RAB6A: variants seen among roughly 807,000 people sequenced by gnomAD.
RAB6A encodes RAB6A, member RAS oncogene family, also known as ras-related protein Rab-6A.
RAB6A carries 8 observed loss-of-function variants against 32.3 expected under a neutral mutation model. The observed-to-expected ratio is 0.25, with a 90% CI of 0.15 to 0.45. The LOEUF is 0.45. Ranked by LOEUF, RAB6A falls within the 20% of genes least tolerant of loss-of-function variation. RAB6A has a pLI of 1.00. For synonymous variants in RAB6A, 73 were observed against 82.1 expected (o/e 0.89, Z 0.60); for missense variants, 104 against 249.4 (o/e 0.42, Z 3.93).
chr11:73,728,606 G>A (rs1290412961), intron 2 of RAB6A, among the ~76,000 whole-genome samples: 1 of 20,716 alleles, frequency 4.8e-5, no homozygotes, highest in Non-Finnish European at 1.2e-4. Flanking sequence ...ATCTGTCTTT[G>A]TTTAAATAAT....
chr11:73,702,645 C>T (rs1945764548), intron 6 of RAB6A, among the ~76,000 whole-genome samples: 1 of 152,142 alleles, frequency 6.6e-6, no homozygotes, highest in Non-Finnish European at 1.5e-5. Context: ...AGAGTGTATT[C>T]TCTGACTATA....
chr11:73,700,610 G>GGGT, intron 6 of RAB6A, among the ~76,000 whole-genome samples: 1 of 12,688 alleles, frequency 7.9e-5, no homozygotes, highest in Non-Finnish European at 2.2e-4. Flanking sequence ...GTGTGTGTGT[G>GGGT]GGGGGGGGGG....
intron 4 of RAB6A, among the ~76,000 whole-genome samples, chr11:73,716,701 A>C (rs1946059581): frequency 6.6e-6 from 1 of 152,174 alleles, no homozygotes; most frequent in South Asian, 2.1e-4. Flanking sequence ...CATTGCCACA[A>C]TGCTTTTTTG....
intron 1 of RAB6A, among the ~76,000 whole-genome samples, 172 bp from the exon 2 acceptor site, chr11:73,730,995 CACAG>C (rs1232340647): frequency 4.6e-5 from 7 of 152,294 alleles, no homozygotes; most frequent in South Asian, 2.1e-4. Context: ...TTTCTCCAAA[CACAG>C]ACAACCATCT....
intron 6 of RAB6A, among the ~76,000 whole-genome samples, chr11:73,682,517 G>A (rs1170466989): frequency 1.3e-5 from 2 of 152,092 alleles, no homozygotes; most frequent in Non-Finnish European, 2.9e-5. Flanking sequence ...CACAAAATTA[G>A]CTGGGCATGA....
At chr11:73,689,327 A>G (rs1303540446) in intron 6 of RAB6A, among the ~76,000 whole-genome samples, 1 of 152,168 alleles carries the variant, frequency 6.6e-6, no homozygotes, top group African/African-American at 2.4e-5. Context: ...TGCAACCTAG[A>G]TCCCTCCAAT....
chr11:73,717,221 C>T (rs1258042825), intron 4 of RAB6A, among the ~76,000 whole-genome samples: 2 of 152,112 alleles, frequency 1.3e-5, no homozygotes, highest in Non-Finnish European at 2.9e-5. Flanking sequence ...CACAATTATT[C>T]GTTATTAGAT....
At chr11:73,739,263 TAAAAAAAAA>T (rs58629008) in intron 1 of RAB6A, among the ~76,000 whole-genome samples, 4 of 9,382 alleles carry the variant, frequency 4.3e-4, no homozygotes, top group African/African-American at 1.4e-3. Flanking sequence ...TAATAATAAT[TAAAAAAAAA>T]AAAAAAAAAA....
chr11:73,708,703 T>A (rs1397542855), intron 5 of RAB6A, among the ~76,000 whole-genome samples: 1 of 152,190 alleles, frequency 6.6e-6, no homozygotes, highest in East Asian at 1.9e-4. Context: ...AATGTTCTAA[T>A]TAGCTAGATT....
chr11:73,711,698 ACT>A (rs565113457), intron 5 of RAB6A, among the ~76,000 whole-genome samples: 1 of 152,048 alleles, frequency 6.6e-6, no homozygotes. Context: ...CCAAAAATCA[ACT>A]CTCTCTCCTC....
chr11:73,739,985 G>C (rs1241318232), intron 1 of RAB6A, among the ~76,000 whole-genome samples: 1 of 151,750 alleles, frequency 6.6e-6, no homozygotes, highest in African/African-American at 2.4e-5. Context: ...CTTGAACCTG[G>C]GAGGCAGAGG....
At chr11:73,702,554 A>C (rs1003135700) in intron 6 of RAB6A, among the ~76,000 whole-genome samples, 1 of 152,230 alleles carries the variant, frequency 6.6e-6, no homozygotes, top group South Asian at 2.1e-4. Flanking sequence ...TTTCCAGTAC[A>C]TATAAGAACA....
chr11:73,749,348 T>C (rs937804381), intron 1 of RAB6A, among the ~76,000 whole-genome samples: 2 of 152,056 alleles, frequency 1.3e-5, no homozygotes, highest in African/African-American at 2.4e-5. Context: ...TAATGGACTT[T>C]GGGGACTCAC....
intron 2 of RAB6A, among the ~76,000 whole-genome samples, chr11:73,724,465 G>A (rs1052664014): frequency 1.4e-5 from 2 of 144,562 alleles, no homozygotes; most frequent in African/African-American, 5.1e-5. Flanking sequence ...CTAAGATCAT[G>A]TTTTCCTAAA....
chr11:73,747,439 C>A (rs1035458866), intron 1 of RAB6A, among the ~76,000 whole-genome samples: 1 of 44,468 alleles, frequency 2.2e-5, no homozygotes, highest in Non-Finnish European at 7.7e-5. Context: ...GATCGGAACC[C>A]CCCCCCGCCC....
chr11:73,693,612 G>A (rs968619044), intron 6 of RAB6A, among the ~76,000 whole-genome samples: 3 of 149,144 alleles, frequency 2.0e-5, no homozygotes, highest in African/African-American at 7.4e-5. Flanking sequence ...CAGGCTGGGC[G>A]CTGTGGCTTA....
At chr11:73,715,314 C>T (rs913839458) in intron 5 of RAB6A, among the ~76,000 whole-genome samples, 8 of 152,024 alleles carry the variant, frequency 5.3e-5, no homozygotes, top group Admixed American at 1.3e-4. Flanking sequence ...TTAGTAGAGA[C>T]GGGATTTCAC....
intron 2 of RAB6A, among the ~76,000 whole-genome samples, chr11:73,727,363 T>C (rs1590868436): frequency 1.3e-5 from 2 of 150,264 alleles, no homozygotes; most frequent in South Asian, 4.2e-4. Context: ...GAATTCAAGG[T>C]GACAATGAGC....
chr11:73,728,834 T>C (rs1269109765), intron 2 of RAB6A, among the ~76,000 whole-genome samples: 9 of 152,038 alleles, frequency 5.9e-5, no homozygotes, highest in Non-Finnish European at 8.8e-5. Context: ...TCCTCTTCTA[T>C]TTTTCAGAAG....
Sources: gnomAD v4.1 joint callset for allele counts (sites outside exome capture counted in the v4.1 genomes callset) on GRCh38, gnomAD v4.1.1 for gene constraint, MANE v1.5 for transcripts, NCBI Gene and HGNC (gene_info 2026-07-23, HGNC 2026-07-21) for gene names.